Variants in PPP4R1 observed in about 807,000 individuals in gnomAD.
PPP4R1 encodes protein phosphatase 4 regulatory subunit 1.
A neutral mutation model predicts 111.2 loss-of-function variants in PPP4R1; 42 were observed. That is an observed-to-expected ratio of 0.38 (90% CI 0.29 to 0.49). The LOEUF is 0.49. Ranked by LOEUF, PPP4R1 falls within the 20% of genes least tolerant of loss-of-function variation. PPP4R1 has a pLI of 0.97. For synonymous variants in PPP4R1, 409 were observed against 405.5 expected (o/e 1.01, Z -0.10); for missense variants, 1,012 against 1,161.6 (o/e 0.87, Z 1.87).
intron 13 of PPP4R1, among the ~76,000 whole-genome samples, chr18:9,559,940 T>G (rs1245985062): frequency 6.6e-6 from 1 of 152,170 alleles, no homozygotes; most frequent in Non-Finnish European, 1.5e-5. Flanking sequence ...CAATGTTTGT[T>G]ATAACCCAGC....
intron 2 of PPP4R1, among the ~76,000 whole-genome samples, chr18:9,610,229 T>C (rs1457640172): frequency 6.6e-6 from 1 of 152,234 alleles, no homozygotes; most frequent in Admixed American, 6.5e-5. Flanking sequence ...AACAGAAATC[T>C]GAAATAATTT....
intron 8 of PPP4R1, among the ~76,000 whole-genome samples, chr18:9,584,052 T>C (rs1344844285): frequency 6.6e-6 from 1 of 152,182 alleles, no homozygotes; most frequent in Admixed American, 6.5e-5. Context: ...CCAACAATCA[T>C]AGCTTAAATG....
chr18:9,605,566 CAAAAAAAAAAAAAAA>C (rs34208690), intron 2 of PPP4R1, among the ~76,000 whole-genome samples: 8 of 67,640 alleles, frequency 1.2e-4, no homozygotes, highest in Admixed American at 6.0e-4. Context: ...GCAGTCCTGT[CAAAAAAAAAAAAAAA>C]AAAAAAAAAA....
At chr18:9,560,638 G>A (rs1490494676) in intron 13 of PPP4R1, among the ~76,000 whole-genome samples, 1 of 152,146 alleles carries the variant, frequency 6.6e-6, no homozygotes, top group Non-Finnish European at 1.5e-5. Flanking sequence ...ATGTCTGTAA[G>A]TGGGGAAAAG....
chr18:9,551,343 AC>A, intron 16 of PPP4R1: 1 of 152,330 alleles, frequency 6.6e-6, no homozygotes, highest in Middle Eastern at 3.4e-3. Flanking sequence ...TGGACAGGAC[AC>A]CTGCTAGCAC....
intron 2 of PPP4R1, among the ~76,000 whole-genome samples, chr18:9,600,264 C>A (rs2067359505): frequency 6.9e-6 from 1 of 144,874 alleles, no homozygotes; most frequent in African/African-American, 2.5e-5. Flanking sequence ...GAAGGTATAG[C>A]TAGAAAGATA....
At chr18:9,601,884 C>T (rs771988499) in intron 2 of PPP4R1, among the ~76,000 whole-genome samples, 3 of 152,182 alleles carry the variant, frequency 2.0e-5, no homozygotes, top group African/African-American at 4.8e-5. Flanking sequence ...CTCTAAGACC[C>T]TTTGAAAACT....
intron 2 of PPP4R1, among the ~76,000 whole-genome samples, chr18:9,606,249 C>CTGTA (rs1568129408): frequency 3.3e-5 from 5 of 152,150 alleles, no homozygotes; most frequent in Admixed American, 1.3e-4. Context: ...GATTTTATAG[C>CTGTA]ACAGTGAAGG....
chr18:9,589,356 T>G lies in PPP4R1; in HGVS notation c.296-503A>C, dbSNP rs111868033. ...TGAAAATTAAAGATGACAAATATTT[T>G]TTAAACACCTGAAAAGACCCAAGTG... On this transcript the variant is annotated intron_variant, in intron 4 of 19. Transcript: ENST00000400556. Among the ~76,000 whole-genome samples the G allele has an allele frequency of 7.7e-3, 1,175 of 152,288 alleles. 21 individuals carry two copies. Among genetic ancestry groups the G allele is most frequent in the African/African-American group, 0.027 (1,111 of 41,568 alleles).
intron 2 of PPP4R1, among the ~76,000 whole-genome samples, chr18:9,609,279 A>C (rs1264657587): frequency 6.6e-6 from 1 of 152,154 alleles, no homozygotes; most frequent in East Asian, 1.9e-4. Context: ...CTATTTAACA[A>C]TACTCCTAAA....
At chr18:9,601,740 G>A (rs62088881) in intron 2 of PPP4R1, among the ~76,000 whole-genome samples, 5 of 151,922 alleles carry the variant, frequency 3.3e-5, no homozygotes, top group East Asian at 2.0e-4. Context: ...TGATCCGCCC[G>A]CCCTGGCCTC....
At chr18:9,585,626 G>T (rs1052774927) in intron 6 of PPP4R1, among the ~76,000 whole-genome samples, 2 of 152,148 alleles carry the variant, frequency 1.3e-5, no homozygotes, top group African/African-American at 4.8e-5. Flanking sequence ...CGACATGGTT[G>T]TCTACACAGA....
chr18:9,602,804 T>G (rs2067412554), intron 2 of PPP4R1, among the ~76,000 whole-genome samples: 1 of 144,456 alleles, frequency 6.9e-6, no homozygotes, highest in South Asian at 2.1e-4. Flanking sequence ...CTGGGCGACG[T>G]ACTGAGACAC....
At chr18:9,554,042 T>C (rs2066529676) in intron 15 of PPP4R1, among the ~76,000 whole-genome samples, 1 of 152,240 alleles carries the variant, frequency 6.6e-6, no homozygotes, top group East Asian at 1.9e-4. Flanking sequence ...CTGAATATTA[T>C]GTAGTTGATT....
intron 4 of PPP4R1, among the ~76,000 whole-genome samples, chr18:9,590,769 A>G (rs994486804): frequency 3.9e-5 from 6 of 152,154 alleles, no homozygotes; most frequent in African/African-American, 1.4e-4. Flanking sequence ...TCTGAATGTC[A>G]AGGCAAAAAA....
chr18:9,562,392 T>G (rs1258289815), intron 12 of PPP4R1, among the ~76,000 whole-genome samples: 1 of 152,226 alleles, frequency 6.6e-6, no homozygotes, highest in Non-Finnish European at 1.5e-5. Context: ...ATTCTTTTGG[T>G]CCATTGTTTT....
At chr18:9,577,663 TA>T (rs71168071) in intron 9 of PPP4R1, among the ~76,000 whole-genome samples, 14 of 148,436 alleles carry the variant, frequency 9.4e-5, no homozygotes, top group East Asian at 2.0e-4. Context: ...CAAGACTGTC[TA>T]AAAAAAAAAC....
At chr18:9,602,005 G>A (rs2067391072) in intron 2 of PPP4R1, among the ~76,000 whole-genome samples, 1 of 152,072 alleles carries the variant, frequency 6.6e-6, no homozygotes, top group African/African-American at 2.4e-5. Flanking sequence ...GATGACAAGG[G>A]AAAGAAACAA....
intron 10 of PPP4R1, 62 bp downstream of exon 10, chr18:9,577,002 T>C (rs2066946316): frequency 8.7e-6 from 12 of 1,372,194 alleles, no homozygotes; most frequent in Non-Finnish European, 1.2e-5. Flanking sequence ...GGAAATAATG[T>C]TTAAAAGCAG....
Sources: allele counts gnomAD v4.1 joint callset (sites outside exome capture counted in the v4.1 genomes callset), GRCh38; gene constraint gnomAD v4.1.1; transcripts MANE v1.5; gene names NCBI Gene and HGNC (gene_info 2026-07-23, HGNC 2026-07-21).